Variants in GLI3 observed in about 807,000 individuals in gnomAD.
GLI3 encodes the protein transcription activator GLI3.
GLI3 carries 20 observed loss-of-function variants against 100.8 expected under a neutral mutation model. The ratio of observed to expected loss-of-function variants is 0.20; its 90% CI spans 0.14 to 0.29. GLI3 has a LOEUF of 0.29. GLI3 is among the 10% of genes least tolerant of loss of function. The pLI is 1.00. For missense variants in GLI3, 2,040 were observed against 2,128.5 expected (o/e 0.96, Z 0.82); for synonymous variants, 938 against 860.5 (o/e 1.09, Z -1.58).
intron 3 of GLI3, among the ~76,000 whole-genome samples, chr7:42,110,181 T>C (rs1316014410): frequency 6.6e-6 from 1 of 152,208 alleles, no homozygotes; most frequent in African/African-American, 2.4e-5. Context: ...TCTGTCTTAT[T>C]CCTTTCTTCA....
At chr7:42,164,329 G>A (rs916393900) in intron 2 of GLI3, among the ~76,000 whole-genome samples, 6 of 151,832 alleles carry the variant, frequency 4.0e-5, no homozygotes, top group Non-Finnish European at 5.9e-5. Flanking sequence ...GAGAACAACT[G>A]GGCAACATGG....
intron 3 of GLI3, among the ~76,000 whole-genome samples, chr7:42,142,008 T>C (rs905535802): frequency 2.0e-5 from 3 of 152,132 alleles, no homozygotes; most frequent in Non-Finnish European, 4.4e-5. Context: ...AGAAAGTAAG[T>C]ACTGCCTCGG....
At chr7:42,037,444 G>T (rs1043878768) in intron 7 of GLI3, among the ~76,000 whole-genome samples, 1 of 152,154 alleles carries the variant, frequency 6.6e-6, no homozygotes, top group African/African-American at 2.4e-5. Flanking sequence ...CAAGGCACTA[G>T]CACTCCTCCA....
intron 2 of GLI3, among the ~76,000 whole-genome samples, chr7:42,181,711 G>A (rs1282076047): frequency 1.3e-5 from 2 of 152,198 alleles, no homozygotes; most frequent in Non-Finnish European, 2.9e-5. Flanking sequence ...ATTTCGAGGT[G>A]TAATAAAAAC....
chr7:42,064,332 A>G (rs1040733511), intron 4 of GLI3, among the ~76,000 whole-genome samples: 5 of 152,226 alleles, frequency 3.3e-5, no homozygotes. Context: ...GTTAAGAACT[A>G]GAAAGGATCT....
chr7:42,234,308 T>C (rs1788747754), intron 1 of GLI3, among the ~76,000 whole-genome samples: 1 of 152,118 alleles, frequency 6.6e-6, no homozygotes, highest in Non-Finnish European at 1.5e-5. Flanking sequence ...GAGGTCTCAG[T>C]AAGCAGGATA....
intron 4 of GLI3, among the ~76,000 whole-genome samples, chr7:42,059,644 T>C (rs1207655244): frequency 6.6e-6 from 1 of 152,220 alleles, no homozygotes; most frequent in Non-Finnish European, 1.5e-5. Flanking sequence ...TTGCAATTCT[T>C]TTCCTACCAC....
chr7:41,984,327 T>C (rs1297652067), intron 10 of GLI3, among the ~76,000 whole-genome samples: 3 of 152,172 alleles, frequency 2.0e-5, no homozygotes, highest in Non-Finnish European at 2.9e-5. Flanking sequence ...ATGCAGTCCA[T>C]GGCTCGCAGC....
In GLI3 at chr7:42,262,232, C is replaced by T. The variant is rs138796304; in HGVS notation, c.-43+1762G>A. ...TCTTTCCTTCCTTCCTTCTTTCCTT[C>T]CTTCCTTCCTTCCTTTCTTCCTCCC... On this transcript the variant is annotated intron_variant, in intron 1 of 2. Coordinates refer to the GLI3 transcript ENST00000678978. 1.3e-3 allele frequency among the ~76,000 whole-genome samples: 186 copies of T among 137,904 alleles called. 4 individuals carry two copies. The highest frequency in any genetic ancestry group is 5.4e-3 in the African/African-American group (174 of 32,520). The allele number at this position is 137,904 out of a possible 152,430, so 90.5% of individuals were successfully genotyped here. A position where few individuals can be genotyped will look rare whatever the true frequency, so the allele number is the denominator to read the frequency against.
At chr7:42,103,850 G>T (rs961270549) in intron 3 of GLI3, among the ~76,000 whole-genome samples, 2 of 152,080 alleles carry the variant, frequency 1.3e-5, no homozygotes, top group Non-Finnish European at 2.9e-5. Context: ...AAGAGGAAAA[G>T]GTAGAAATAA....
At chr7:42,171,788 A>T (rs369713806) in intron 2 of GLI3, among the ~76,000 whole-genome samples, 2 of 152,362 alleles carry the variant, frequency 1.3e-5, no homozygotes, top group South Asian at 2.1e-4. Flanking sequence ...TCTGGCATTT[A>T]TAATCCATAG....
intron 10 of GLI3, among the ~76,000 whole-genome samples, chr7:41,989,333 C>T (rs963293831): frequency 1.3e-5 from 2 of 152,124 alleles, no homozygotes; most frequent in African/African-American, 2.4e-5. Context: ...TGAACAAATC[C>T]AGCAAACATG....
At chr7:42,187,441 A>G (rs1172057557) in intron 2 of GLI3, among the ~76,000 whole-genome samples, 1 of 152,158 alleles carries the variant, frequency 6.6e-6, no homozygotes, top group Non-Finnish European at 1.5e-5. Context: ...GGAAAGGGTG[A>G]AAGTTCATTT....
At chr7:42,211,941 C>A (rs1448574797) in intron 2 of GLI3, among the ~76,000 whole-genome samples, 1 of 152,190 alleles carries the variant, frequency 6.6e-6, no homozygotes, top group East Asian at 1.9e-4. Flanking sequence ...TAATAATTTA[C>A]ATTCTCCATT....
At chr7:42,227,663 T>C (rs1309423158) in intron 1 of GLI3, 1 of 152,122 alleles carries the variant, frequency 6.6e-6, no homozygotes, top group Non-Finnish European at 1.5e-5. Context: ...GGTGACGCTG[T>C]AGTGCACGTC....
intron 1 of GLI3, among the ~76,000 whole-genome samples, chr7:42,262,625 T>C (rs191758260): frequency 1.3e-5 from 2 of 152,302 alleles, no homozygotes; most frequent in Non-Finnish European, 2.9e-5. Context: ...TCTCACTGGT[T>C]CAGCATGTTT....
chr7:42,077,986 G>A (rs1211691410), intron 3 of GLI3, among the ~76,000 whole-genome samples: 1 of 152,164 alleles, frequency 6.6e-6, no homozygotes, highest in African/African-American at 2.4e-5. Flanking sequence ...GCTGAGGATT[G>A]GTGTGTACAC....
At chr7:42,150,577 T>C (rs572110588) in intron 2 of GLI3, among the ~76,000 whole-genome samples, 5 of 152,294 alleles carry the variant, frequency 3.3e-5, no homozygotes, top group African/African-American at 1.2e-4. Context: ...GCAAATTCTG[T>C]AGAAAGGGAC....
intron 3 of GLI3, among the ~76,000 whole-genome samples, chr7:42,082,250 AC>A (rs2128753444): frequency 6.6e-6 from 1 of 152,150 alleles, no homozygotes; most frequent in East Asian, 2.0e-4. Flanking sequence ...GTCTCTTCCC[AC>A]CATGGAGCTT....
Sources: allele counts gnomAD v4.1 joint callset (sites outside exome capture counted in the v4.1 genomes callset), GRCh38; gene constraint gnomAD v4.1.1; transcripts MANE v1.5; gene names NCBI Gene and HGNC (gene_info 2026-07-23, HGNC 2026-07-21).